The following MGAT4C variants were observed in gnomAD, a reference collection of about 807,000 sequenced individuals.
The protein encoded by MGAT4C is alpha-1,3-mannosyl-glycoprotein 4-beta-N-acetylglucosaminyltransferase C.
A neutral mutation model predicts 40.1 loss-of-function variants in MGAT4C; 19 were observed. The observed-to-expected ratio is 0.47, with a 90% CI of 0.33 to 0.70. The LOEUF (loss-of-function observed/expected upper bound fraction) is 0.70, where lower values mean the gene tolerates loss of function less well. Ranked by LOEUF, MGAT4C falls within the 30% of genes least tolerant of loss-of-function variation. The pLI is 0.02. For synonymous variants in MGAT4C, 181 were observed against 187.1 expected, an observed-to-expected ratio of 0.97 and a Z score of 0.27; for missense variants, 491 against 563.2, an observed-to-expected ratio of 0.87 and a Z score of 1.30.
intron 2 of MGAT4C, among the ~76,000 whole-genome samples, chr12:86,629,564 C>T (rs950599846): frequency 1.3e-5 from 2 of 152,212 alleles, no homozygotes; most frequent in Non-Finnish European, 2.9e-5. Context: ...TCTCAGACCA[C>T]AGTGCAATCA....
Position 86,774,423 on chromosome 12 carries a change from T to C in MGAT4C, c.-261-47182A>G, listed in dbSNP as rs201908919. 0.011 allele frequency among the ~76,000 whole-genome samples: 1,322 copies of C among 124,682 alleles called. 108 individuals are homozygous for C. In the East Asian group the frequency reaches 0.19, roughly 18 times the overall value. The allele number at this position is 124,682 out of a possible 152,430, so 81.8% of individuals were successfully genotyped here. A position where few individuals can be genotyped will look rare whatever the true frequency, so the allele number is the denominator to read the frequency against. On this transcript the variant is annotated intron_variant, in intron 1 of 7. Transcript: ENST00000548651. The stretch of plus-strand genomic sequence containing the variant: ...TCTCTCTCTCTCTCTCTCTCTCTCT[T>C]TCTTTCTTTCTTTTCTGTTAGCCAT...
intron 1 of MGAT4C, among the ~76,000 whole-genome samples, chr12:86,074,753 T>C: frequency 6.6e-6 from 1 of 152,140 alleles, no homozygotes; most frequent in Admixed American, 6.5e-5. Context: ...ACGTCCTACA[T>C]GGTCTCAAAG....
intron 1 of MGAT4C, among the ~76,000 whole-genome samples, chr12:86,117,935 G>A (rs1020095920): frequency 2.0e-5 from 3 of 151,992 alleles, no homozygotes; most frequent in African/African-American, 7.2e-5. Context: ...TAAGAGAGAC[G>A]AATAGCTGCC....
chr12:86,681,580 A>G (rs1329761278), intron 2 of MGAT4C, among the ~76,000 whole-genome samples: 1 of 151,988 alleles, frequency 6.6e-6, no homozygotes. Flanking sequence ...GCAAAAAGAA[A>G]AAAAAAGAAT....
At chr12:86,830,469 T>G (rs545889587) in intron 1 of MGAT4C, among the ~76,000 whole-genome samples, 1 of 151,778 alleles carries the variant, frequency 6.6e-6, no homozygotes, top group Admixed American at 6.6e-5. Context: ...TATGTGAAGA[T>G]TTTTCCTTTA....
At chr12:86,227,900 C>G (rs1211403017) in intron 1 of MGAT4C, among the ~76,000 whole-genome samples, 3 of 151,838 alleles carry the variant, frequency 2.0e-5, no homozygotes, top group Non-Finnish European at 4.4e-5. Flanking sequence ...CAGATTCTTT[C>G]CCCATTTTAA....
intron 3 of MGAT4C, among the ~76,000 whole-genome samples, chr12:86,371,675 C>CT (rs1380294245): frequency 2.0e-5 from 3 of 152,028 alleles, no homozygotes; most frequent in African/African-American, 7.2e-5. Context: ...AATGAAATTA[C>CT]TTTTATAATT....
rs61381054 is a variant in MGAT4C at position 86,690,598 on chromosome 12, A to G, written c.-229+36611T>C. ...CCTGACCCCTTGCACTTCCTGAGTG[A>G]GGCGACATCCCACCCTGCTTCTGCT... On this transcript the variant is annotated intron_variant, in intron 2 of 7. Coordinates refer to the MGAT4C transcript ENST00000548651. 3.3e-3 allele frequency among the ~76,000 whole-genome samples: 499 copies of G among 152,248 alleles called. 3 individuals carry two copies. Among genetic ancestry groups the G allele is most frequent in the African/African-American group, 0.011 (477 of 41,564 alleles).
At chr12:86,428,599 G>T (rs1023405538) in intron 3 of MGAT4C, among the ~76,000 whole-genome samples, 1 of 152,122 alleles carries the variant, frequency 6.6e-6, no homozygotes, top group Non-Finnish European at 1.5e-5. Context: ...AGGGCATAAG[G>T]TCCTGGTCTT....
intron 4 of MGAT4C, among the ~76,000 whole-genome samples, chr12:86,303,663 G>C (rs932918178): frequency 6.7e-6 from 1 of 149,240 alleles, no homozygotes; most frequent in Non-Finnish European, 1.5e-5. Flanking sequence ...TCTGGCTCTT[G>C]GTTTCTGCAT....
At chr12:86,472,463 C>T (rs1161096196) in intron 2 of MGAT4C, among the ~76,000 whole-genome samples, 1 of 151,962 alleles carries the variant, frequency 6.6e-6, no homozygotes, top group Non-Finnish European at 1.5e-5. Context: ...TGATTTTTAG[C>T]TAAGTATGAT....
chr12:86,021,477 C>CTT (rs1368053229), intron 2 of MGAT4C, among the ~76,000 whole-genome samples: 2 of 150,912 alleles, frequency 1.3e-5, no homozygotes, highest in Non-Finnish European at 2.9e-5. Context: ...TCTCAGCAAA[C>CTT]TATTGCAAGG....
At chr12:86,668,981 T>C (rs1240739628) in intron 2 of MGAT4C, among the ~76,000 whole-genome samples, 2 of 151,924 alleles carry the variant, frequency 1.3e-5, no homozygotes, top group African/African-American at 2.4e-5. Context: ...CTTTCTAACA[T>C]AGATCATGGC....
intron 2 of MGAT4C, among the ~76,000 whole-genome samples, chr12:86,657,835 T>C (rs1426239354): frequency 6.6e-6 from 1 of 151,928 alleles, no homozygotes; most frequent in Non-Finnish European, 1.5e-5. Context: ...AAAGGCACCA[T>C]ATTCAAGATG....
chr12:86,628,739 G>A (rs1282571110), intron 2 of MGAT4C, among the ~76,000 whole-genome samples: 1 of 152,124 alleles, frequency 6.6e-6, no homozygotes, highest in Non-Finnish European at 1.5e-5. Context: ...AAGAGCTACT[G>A]AAGGAAGCAC....
chr12:86,242,603 A>T (rs1250606775), intron 1 of MGAT4C, among the ~76,000 whole-genome samples: 3 of 152,152 alleles, frequency 2.0e-5, no homozygotes, highest in Non-Finnish European at 4.4e-5. Context: ...TACCGATTTT[A>T]TGATTTTATT....
chr12:86,510,149 A>T (rs146270535), intron 2 of MGAT4C, among the ~76,000 whole-genome samples: 4,147 of 152,248 alleles, frequency 0.027, 154 homozygotes, highest in African/African-American at 0.086. Context: ...CAGTTTTCAA[A>T]GGGAATGCTT....
At chr12:86,368,599 G>A (rs1955654410) in intron 3 of MGAT4C, among the ~76,000 whole-genome samples, 1 of 150,190 alleles carries the variant, frequency 6.7e-6, no homozygotes, top group African/African-American at 2.4e-5. Context: ...TTTTTTGTTT[G>A]TTTCTAGACA....
intron 1 of MGAT4C, among the ~76,000 whole-genome samples, chr12:86,214,070 A>G (rs1950581161): frequency 6.6e-6 from 1 of 152,046 alleles, no homozygotes; most frequent in Non-Finnish European, 1.5e-5. Flanking sequence ...CAGGCTCTAT[A>G]TCATCTTTTC....
Sources: gnomAD v4.1 joint callset for allele counts (sites outside exome capture counted in the v4.1 genomes callset) on GRCh38, gnomAD v4.1.1 for gene constraint, MANE v1.5 for transcripts, NCBI Gene and HGNC (gene_info 2026-07-23, HGNC 2026-07-21) for gene names.